LARP1: variants seen among roughly 807,000 people sequenced by gnomAD.
LARP1 encodes the protein la-related protein 1.
Under a neutral mutation model 122.7 loss-of-function variants are expected in LARP1, and 36 were observed. That is an observed-to-expected ratio of 0.29 (90% CI 0.22 to 0.39). LARP1 has a LOEUF of 0.39. Ranked by LOEUF, LARP1 falls within the 10% of genes least tolerant of loss-of-function variation. LARP1 has a pLI of 1.00. For missense variants in LARP1, 1,040 were observed against 1,403.6 expected (o/e 0.74, Z 4.14); for synonymous variants, 539 against 528.7 (o/e 1.02, Z -0.27).
intron 3 of LARP1, 120 bp downstream of exon 3, chr5:154,790,830 T>G (rs767219612): frequency 7.5e-6 from 7 of 931,752 alleles, no homozygotes; most frequent in Non-Finnish European, 1.0e-5. Flanking sequence ...TTCTTTTTTT[T>G]CCCCCCAACA....
intron 14 of LARP1, chr5:154,805,096 T>A (rs1758657626): frequency 3.0e-6 from 1 of 336,330 alleles, no homozygotes; most frequent in African/African-American, 2.2e-5. Context: ...AAATAAAAAA[T>A]ATTACTAAGA....
chr5:154,794,176 C>A lies in LARP1; in HGVS notation c.1146C>A (p.Asn382Lys), dbSNP rs1031737172. 2 of 1,614,090 alleles carry A rather than the reference C, an allele frequency of 1.2e-6. No individual in the cohort carries two copies. Among genetic ancestry groups the A allele is most frequent in the African/African-American group, 2.7e-5 (2 of 74,924 alleles). The change falls in exon 7 of 19, where the codon AAC (asparagine) becomes AAA (lysine). Residue 382 changes from asparagine (N) to lysine (K), a missense_variant. Coordinates refer to ENST00000518297, the MANE Select transcript of LARP1 (RefSeq NM_033551.3). ...EGPRTPKYMN[N>K]ITYYFDNVSS... ...CTCGTACGCCCAAGTACATGAACAA[C>A]ATCACCTACTACTTTGACAATGTCA... is the stretch of plus-strand genomic sequence containing the variant.
chr5:154,719,573 CTA>C (rs1451350079), intron 1 of LARP1, among the ~76,000 whole-genome samples: 1 of 152,116 alleles, frequency 6.6e-6, no homozygotes, highest in Non-Finnish European at 1.5e-5. Context: ...GCAGATATAA[CTA>C]TTGTAGCCAG....
At chr5:154,785,347 C>CT (rs1756799333) in intron 1 of LARP1, among the ~76,000 whole-genome samples, 1 of 152,212 alleles carries the variant, frequency 6.6e-6, no homozygotes, top group African/African-American at 2.4e-5. Context: ...CATTCTGATT[C>CT]TTTCATTTTG....
upstream of LARP1, among the ~76,000 whole-genome samples, chr5:154,711,291 G>A (rs920949493): frequency 1.3e-5 from 2 of 151,912 alleles, no homozygotes; most frequent in South Asian, 2.1e-4. Context: ...ACAGGCATGC[G>A]CCACCACACC....
At chr5:154,810,518 C>T (rs1341841946) in intron 16 of LARP1, among the ~76,000 whole-genome samples, 1 of 151,980 alleles carries the variant, frequency 6.6e-6, no homozygotes, top group Admixed American at 6.6e-5. Context: ...AGACGAGTCT[C>T]ACTGTGTCAC....
rs189442253 is a variant in LARP1, at chr5:154,695,182, G to A, written c.-180+12145G>A. Among the ~76,000 whole-genome samples, 64 of 151,790 alleles carry A rather than the reference G, an allele frequency of 4.2e-4. No homozygotes were observed. In the East Asian group the frequency reaches 0.012, roughly 29 times the overall value. On this transcript the variant is annotated intron_variant, in intron 1 of 18. Coordinates refer to the LARP1 transcript ENST00000687700. ...TACAAAAAATTAGCCAGGCGTGTTG[G>A]TGGGTGCCTGTAGTCCCAGCTACTC...
intron 1 of LARP1, among the ~76,000 whole-genome samples, chr5:154,697,953 G>A (rs186075894): frequency 2.0e-5 from 3 of 152,150 alleles, no homozygotes; most frequent in African/African-American, 7.2e-5. Context: ...AGTCTCCCAA[G>A]TAGCTGAGAC....
intron 1 of LARP1, among the ~76,000 whole-genome samples, chr5:154,743,312 A>ATTT (rs145147128): frequency 6.8e-6 from 1 of 148,134 alleles, no homozygotes; most frequent in African/African-American, 2.5e-5. Context: ...ATTCTTATTT[A>ATTT]TTTATTTTTT....
At chr5:154,729,916 C>A (rs370836173) in intron 1 of LARP1, among the ~76,000 whole-genome samples, 186 of 152,242 alleles carry the variant, frequency 1.2e-3, no homozygotes, top group African/African-American at 4.2e-3. Context: ...CCATCTTGGA[C>A]CTCTAGTCCA....
intron 1 of LARP1, among the ~76,000 whole-genome samples, chr5:154,730,404 A>G (rs1756483978): frequency 6.6e-6 from 1 of 151,526 alleles, no homozygotes; most frequent in Admixed American, 6.6e-5. Flanking sequence ...TTTTTGACCT[A>G]TAGCACACAT....
chr5:154,762,271 C>T (rs559011247), intron 1 of LARP1, among the ~76,000 whole-genome samples: 2 of 152,040 alleles, frequency 1.3e-5, no homozygotes, highest in South Asian at 4.2e-4. Context: ...CCAAAAAAAC[C>T]TCCTACACAG....
chr5:154,740,089 TA>T lies in LARP1; in HGVS notation c.205+26978del, dbSNP rs11437990. Among the ~76,000 whole-genome samples, 527 of 118,774 alleles carry T rather than the reference TA, an allele frequency of 4.4e-3. 3 individuals carry two copies. Among genetic ancestry groups the T allele is most frequent in the East Asian group, 9.0e-3 (37 of 4,092 alleles). The allele number at this position is 118,774 out of a possible 152,430, so 77.9% of individuals were successfully genotyped here. On this transcript the variant is annotated intron_variant, in intron 1 of 18. Coordinates refer to the LARP1 transcript ENST00000336314. ...AAAAACACACCACACACACAAACATTAAAAAAAAAAAAAAAAAAATAGCTGG... is the reference window on the plus strand; with the variant it reads ...AAAAACACACCACACACACAAACATTAAAAAAAAAAAAAAAAAATAGCTGG...
In LARP1 at chr5:154,790,451, G is replaced by A. The variant is rs994562709; in HGVS notation, c.498+65G>A. ...AGTTGGTGGCCTCTTTCCTGTTTTAGTGAATGCTCCTGGACTGCCAACTAG... is the reference window on the plus strand; with the variant it reads ...AGTTGGTGGCCTCTTTCCTGTTTTAATGAATGCTCCTGGACTGCCAACTAG... On this transcript the variant is annotated intron_variant, in intron 2 of 18. Transcript: ENST00000518297. 6 of 1,488,750 alleles carry A rather than the reference G, an allele frequency of 4.0e-6. No individual in the cohort carries two copies. In the East Asian group the frequency reaches 9.1e-5, roughly 23 times the overall value. The allele number at this position is 1,488,750 out of a possible 1,614,324, so 92.2% of individuals were successfully genotyped here.
At chr5:154,695,066 G>A (rs10051493) in intron 1 of LARP1, among the ~76,000 whole-genome samples, 115,307 of 151,964 alleles carry the variant, frequency 0.76, 44,229 homozygotes, top group African/African-American at 0.88. Flanking sequence ...CTGTAATCCC[G>A]GCACTTTTGG....
chr5:154,814,140 TG>T lies in LARP1; in HGVS notation c.*47del. The T allele has an allele frequency of 6.3e-7, 1 of 1,579,094 alleles. No individual in the cohort carries two copies. The highest frequency in any genetic ancestry group is 8.7e-7 in the Non-Finnish European group (1 of 1,153,762). The stretch of plus-strand genomic sequence containing the variant: ...GGCTTGAGGGGGGAAAGGGGTAGGG[TG>T]GGTAAGAGTCCATGGGGGTGCCCAG... On this transcript the variant is annotated 3_prime_UTR_variant, in exon 19 of 19. Coordinates refer to ENST00000518297, the MANE Select transcript of LARP1 (RefSeq NM_033551.3).
At chr5:154,717,803 G>A (rs1391802381) in intron 1 of LARP1, among the ~76,000 whole-genome samples, 1 of 152,122 alleles carries the variant, frequency 6.6e-6, no homozygotes, top group South Asian at 2.1e-4. Flanking sequence ...GTCCTATTCT[G>A]ACCCCATTTT....
At chr5:154,741,154 G>A (rs1220703890) in intron 1 of LARP1, among the ~76,000 whole-genome samples, 3 of 152,158 alleles carry the variant, frequency 2.0e-5, no homozygotes, top group East Asian at 1.9e-4. Flanking sequence ...AGTGCAGCGC[G>A]GTGGAGATGC....
intron 1 of LARP1, among the ~76,000 whole-genome samples, chr5:154,782,749 G>A (rs1000414624): frequency 2.0e-5 from 3 of 152,064 alleles, no homozygotes; most frequent in African/African-American, 7.2e-5. Context: ...CATTTCATCC[G>A]CAGGTCTAGG....
Sources: gnomAD v4.1 joint callset for allele counts (sites outside exome capture counted in the v4.1 genomes callset) on GRCh38, gnomAD v4.1.1 for gene constraint, MANE v1.5 for transcripts, NCBI Gene and HGNC (gene_info 2026-07-23, HGNC 2026-07-21) for gene names.